The following DRC7 variants were observed in gnomAD, a reference collection of about 807,000 sequenced individuals.
DRC7 encodes the protein dynein regulatory complex subunit 7.
DRC7 carries 80 observed loss-of-function variants against 104.4 expected under a neutral mutation model. The observed-to-expected ratio is 0.77, with a 90% confidence interval of 0.64 to 0.92. DRC7 has a LOEUF of 0.92. Among genes scored for constraint, DRC7 ranks in the 40% least tolerant of loss-of-function variants. DRC7 has a pLI of 0.00. For missense variants in DRC7, 1,034 were observed against 1,141.1 expected (o/e 0.91, Z 1.35); for synonymous variants, 405 against 447.3 (o/e 0.91, Z 1.19).
chr16:57,724,582 G>A (rs1447157918), intron 12 of DRC7, 33 bp from the exon 13 acceptor site: 3 of 1,509,416 alleles, frequency 2.0e-6, no homozygotes, highest in South Asian at 2.5e-5. Flanking sequence ...TGCTTATGAA[G>A]CTGTCTCCTC....
chr16:57,727,371 A>G lies in DRC7; in HGVS notation c.2158A>G (p.Lys720Glu), dbSNP rs199979214. The G allele has an allele frequency of 2.7e-5, 43 of 1,613,278 alleles. No homozygotes were observed. Among genetic ancestry groups the G allele is most frequent in the African/African-American group, 6.7e-5 (5 of 74,866 alleles). ...HTLTISIYDT[K>E]RNEKSKEYRE... ...ACTGACCATCTCCATCTATGACACC[A>G]AGCGGAATGAGAAGAGCAAGGAATA... is the stretch of plus-strand genomic sequence containing the variant. The change falls in exon 16 of 19, where the codon AAG becomes GAG. Residue 720 changes from lysine to glutamate, a missense_variant. Physicochemically the swap from Lys to Glu is moderately conservative, Grantham distance 56. Coordinates refer to ENST00000360716, the MANE Select transcript of DRC7 (RefSeq NM_001289162.2).
chr16:57,724,677 C>T lies in DRC7; in HGVS notation c.1600C>T (p.Arg534Cys), dbSNP rs142819400. The change falls in exon 13 of 19, where the codon CGT becomes TGT. Residue 534 changes from arginine to cysteine, a missense_variant. Transcript: ENST00000360716. ...DRVIEFYETARVDGLMKREET... is the reference protein window; with the variant it reads ...DRVIEFYETACVDGLMKREET... ...TGTCATTGAGTTTTATGAAACGGCC[C>T]GTGTGGATGGCCTGATGAAGCGGGA... The T allele has an allele frequency of 2.3e-5, 37 of 1,613,924 alleles. No individual in the cohort carries two copies. In the African/African-American group the frequency reaches 3.3e-4, roughly 15 times the overall value.
chr16:57,722,028 C>CCATT (rs1444206818), intron 10 of DRC7, among the ~76,000 whole-genome samples: 1 of 152,168 alleles, frequency 6.6e-6, no homozygotes, highest in Non-Finnish European at 1.5e-5. Flanking sequence ...GAAACCCAGC[C>CCATT]CATTCCCCTC....
chr16:57,723,222 C>T, intron 12 of DRC7, 92 bp downstream of exon 12: 3 of 1,461,394 alleles, frequency 2.1e-6, no homozygotes, highest in South Asian at 2.6e-5. Context: ...CAGGAACCAG[C>T]ATACATATTA....
Position 57,731,179 on chromosome 16 carries a change from C to T in DRC7, c.2546C>T (p.Ala849Val), listed in dbSNP as rs1464628947. 1 of 1,613,854 alleles carries T rather than the reference C, an allele frequency of 6.2e-7. No individual in the cohort carries two copies. Residue 849 changes from alanine (A) to valine (V), a missense_variant, in exon 19 of 19, where the codon GCC becomes GTC. Coordinates refer to ENST00000360716, the MANE Select transcript of DRC7 (RefSeq NM_001289162.2). ...TCTGACTTCAGACACAAGGAACTGGCCCCACTGAAGTACCTGGCTCTGGAG... is the reference window on the plus strand; with the variant it reads ...TCTGACTTCAGACACAAGGAACTGGTCCCACTGAAGTACCTGGCTCTGGAG... The part of the protein sequence containing the change: ...EQRLNRHKEL[A>V]PLKYLALEEK...
intron 5 of DRC7, chr16:57,701,662 A>C: frequency 5.2e-6 from 2 of 386,312 alleles, no homozygotes; most frequent in Non-Finnish European, 4.7e-6. Flanking sequence ...GTCAGAGGGC[A>C]TTAGATCAGA....
Position 57,731,018 on chromosome 16 carries a change from T to G in DRC7, c.2479T>G (p.Tyr827Asp), listed in dbSNP as rs145149615. The change falls in exon 18 of 19, where the codon TAC becomes GAC. Residue 827 changes from tyrosine to aspartate, a missense_variant. Coordinates refer to ENST00000360716, the MANE Select transcript of DRC7 (RefSeq NM_001289162.2). The stretch of plus-strand genomic sequence containing the variant: ...CGAGGATGAAGACCTGTACCTGAGT[T>G]ACTGCTCTCAGGCCATGTTCCGCAT... Reference protein sequence around the residue: ...TPEDEDLYLSYCSQAMFRIRI... With the variant: ...TPEDEDLYLSDCSQAMFRIRI... The G allele has an allele frequency of 6.2e-7, 1 of 1,613,568 alleles. No homozygotes were observed. Among genetic ancestry groups the G allele is most frequent in the African/African-American group, 1.3e-5 (1 of 74,932 alleles).
At chr16:57,729,590 G>GGA (rs2049024985) in intron 17 of DRC7, among the ~76,000 whole-genome samples, 1 of 58,218 alleles carries the variant, frequency 1.7e-5, no homozygotes, top group Non-Finnish European at 2.7e-5. Context: ...GAGTGGGTGG[G>GGA]TGGATGGATG....
At chr16:57,699,706 G>T (rs1280949243) in intron 4 of DRC7, among the ~76,000 whole-genome samples, 4 of 152,148 alleles carry the variant, frequency 2.6e-5, no homozygotes, top group Non-Finnish European at 5.9e-5. Flanking sequence ...CTCCTGGGAG[G>T]AGAGCACAGT....
chr16:57,716,165 C>T (rs2148757159), intron 8 of DRC7, among the ~76,000 whole-genome samples: 1 of 152,320 alleles, frequency 6.6e-6, no homozygotes, highest in Admixed American at 6.5e-5. Context: ...TATCTAACTA[C>T]TGCTTACACT....
Position 57,728,442 on chromosome 16 carries a change from A to T in DRC7, c.2249A>T (p.Tyr750Phe). The T allele has an allele frequency of 6.2e-7, 1 of 1,611,908 alleles. No individual in the cohort carries two copies. The highest frequency in any genetic ancestry group is 8.5e-7 in the Non-Finnish European group (1 of 1,179,560). Residue 750 changes from tyrosine (Y) to phenylalanine (F), a missense_variant, in exon 17 of 19, where the codon TAC becomes TTC. Transcript: ENST00000360716. ...CGGCAGGTGGAGACCCAGCTGGACT[A>T]CCTGGCCCCATTCCTGGCCCAGCTC... The part of the protein sequence containing the change: ...HLRQVETQLD[Y>F]LAPFLAQLPP...
rs1223451935 is a variant in DRC7, at chr16:57,718,462, A to C, written c.1193A>C (p.Asp398Ala). 2 of 1,613,836 alleles carry C rather than the reference A, an allele frequency of 1.2e-6. No individual in the cohort carries two copies. Among genetic ancestry groups the C allele is most frequent in the Non-Finnish European group, 1.7e-6 (2 of 1,179,872 alleles). ...GACAGTGGGATAAACGATGAGGATG[A>C]TGTGGAAAATCTGGTGAGTCTCAGC... ...EDDSGINDED[D>A]VENLGKEDED... Residue 398 changes from aspartate (D) to alanine (A), a missense_variant, in exon 9 of 19, where the codon GAT (aspartate) becomes GCT (alanine). Coordinates refer to ENST00000360716, the MANE Select transcript of DRC7 (RefSeq NM_001289162.2).
chr16:57,718,262 G>A (rs2048865533), intron 8 of DRC7, 85 bp from the exon 9 acceptor site: 10 of 1,537,302 alleles, frequency 6.5e-6, no homozygotes, highest in African/African-American at 2.7e-5. Context: ...CTGCCCCGGA[G>A]TAGCCATCTC....
chr16:57,721,160 G>A (rs2048897727), intron 9 of DRC7, among the ~76,000 whole-genome samples: 1 of 152,040 alleles, frequency 6.6e-6, no homozygotes, highest in Non-Finnish European at 1.5e-5. Flanking sequence ...AGGTTTCAGT[G>A]AGCCAAGATT....
intron 6 of DRC7, among the ~76,000 whole-genome samples, chr16:57,703,055 G>A (rs1338184094): frequency 6.6e-6 from 1 of 151,794 alleles, no homozygotes; most frequent in Non-Finnish European, 1.5e-5. Flanking sequence ...AGCTAATTTT[G>A]TTTGTTTTTT....
At chr16:57,704,540 G>A (rs764297231) in intron 6 of DRC7, among the ~76,000 whole-genome samples, 6 of 152,184 alleles carry the variant, frequency 3.9e-5, no homozygotes, top group Non-Finnish European at 7.3e-5. Context: ...GCTAGGATGG[G>A]TGGTGAGGAT....
At position 57,719,030 on chromosome 16, in the gene DRC7, G is replaced by A. The variant is rs148999917; in HGVS notation, c.1206+555G>A. 1.5e-3 allele frequency among the ~76,000 whole-genome samples: 224 copies of A among 151,614 alleles called. 1 individual carries two copies. Among genetic ancestry groups the A allele is most frequent in the African/African-American group, 5.2e-3 (215 of 41,386 alleles). ...ATTTAGAAAAAGAAAGTTGCAGAGC[G>A]GGGTCATAACACCCCGCTCTGCAAC... is the stretch of plus-strand genomic sequence containing the variant. On this transcript the variant is annotated intron_variant, in intron 9 of 18. Coordinates refer to ENST00000360716, the MANE Select transcript of DRC7 (RefSeq NM_001289162.2).
intron 17 of DRC7, among the ~76,000 whole-genome samples, chr16:57,729,274 A>G (rs1165734593): frequency 2.4e-5 from 3 of 125,468 alleles, no homozygotes; most frequent in South Asian, 2.8e-4. Flanking sequence ...GAATGGATGG[A>G]TGGGTGGATG....
At chr16:57,699,077 A>G in intron 4 of DRC7, 53 bp downstream of exon 4, 1 of 1,587,018 alleles carries the variant, frequency 6.3e-7, no homozygotes, top group South Asian at 1.1e-5. Context: ...TGGAGAGCAG[A>G]GGGCACAGGG....
Sources: gnomAD v4.1 joint callset for allele counts (sites outside exome capture counted in the v4.1 genomes callset) on GRCh38, gnomAD v4.1.1 for gene constraint, MANE v1.5 for transcripts, NCBI Gene and HGNC (gene_info 2026-07-23, HGNC 2026-07-21) for gene names.